BCAS3: variants seen among roughly 807,000 people sequenced by gnomAD.
BCAS3 encodes the protein BCAS4/BCAS3 fusion.
BCAS3 carries 53 observed loss-of-function variants against 116.1 expected under a neutral mutation model. The observed-to-expected ratio is 0.46, with a 90% CI of 0.37 to 0.57. The LOEUF (loss-of-function observed/expected upper bound fraction) is 0.57. BCAS3 is among the 20% of genes least tolerant of loss of function. BCAS3 has a pLI of 0.00. For missense variants in BCAS3, 917 were observed against 1,165.4 expected (o/e 0.79, Z 3.10); for synonymous variants, 391 against 408.2 (o/e 0.96, Z 0.51).
At chr17:61,158,403 A>T (rs900528071) in intron 22 of BCAS3, among the ~76,000 whole-genome samples, 7 of 152,162 alleles carry the variant, frequency 4.6e-5, no homozygotes, top group Non-Finnish European at 1.0e-4. Context: ...AGCTGCTTTA[A>T]TGTAGCTGAA....
intron 22 of BCAS3, among the ~76,000 whole-genome samples, chr17:61,206,488 G>T (rs2081132548): frequency 6.6e-6 from 1 of 152,074 alleles, no homozygotes; most frequent in Non-Finnish European, 1.5e-5. Flanking sequence ...TAACTAAACT[G>T]CATTTTTAGA....
intron 22 of BCAS3, among the ~76,000 whole-genome samples, chr17:61,209,416 C>T (rs1014034752): frequency 6.6e-6 from 1 of 152,136 alleles, no homozygotes; most frequent in Admixed American, 6.5e-5. Flanking sequence ...CCTCCATTCA[C>T]AGAGGCCAAA....
intron 6 of BCAS3, among the ~76,000 whole-genome samples, chr17:60,780,102 G>T (rs1399513151): frequency 6.6e-6 from 1 of 150,590 alleles, no homozygotes; most frequent in East Asian, 2.0e-4. Context: ...CGATTCTTCT[G>T]CCTCGGCTCC....
chr17:60,795,433 G>T (rs544831042), intron 6 of BCAS3, among the ~76,000 whole-genome samples: 3 of 152,046 alleles, frequency 2.0e-5, no homozygotes, highest in East Asian at 1.9e-4. Context: ...GATTGCTCTG[G>T]CTAGGACTTC....
At chr17:60,685,584 G>A (rs111932172) in intron 3 of BCAS3, among the ~76,000 whole-genome samples, 1 of 152,090 alleles carries the variant, frequency 6.6e-6, no homozygotes, top group East Asian at 1.9e-4. Flanking sequence ...GTAAACTCGG[G>A]TTAATCATCT....
intron 22 of BCAS3, among the ~76,000 whole-genome samples, chr17:61,191,798 A>AAGAAAAGAAT (rs2080146499): frequency 6.6e-6 from 1 of 151,822 alleles, no homozygotes; most frequent in Non-Finnish European, 1.5e-5. Context: ...AAGAAAAGAA[A>AAGAAAAGAAT]AGAAAAGAAA....
At chr17:61,207,583 C>T in intron 22 of BCAS3, among the ~76,000 whole-genome samples, 1 of 151,716 alleles carries the variant, frequency 6.6e-6, no homozygotes, top group East Asian at 1.9e-4. Flanking sequence ...TGATGGCTTC[C>T]CTATGGATGT....
intron 22 of BCAS3, among the ~76,000 whole-genome samples, chr17:61,273,978 C>CT (rs2050542810): frequency 2.0e-5 from 3 of 148,204 alleles, no homozygotes; most frequent in Non-Finnish European, 3.0e-5. Context: ...TATTATTATA[C>CT]TTTAAGTTTT....
In BCAS3 at chr17:60,881,268, C is replaced by A. The variant is rs1023613789; in HGVS notation, c.661+6530C>A. Among the ~76,000 whole-genome samples, 3 of 152,302 alleles carry A rather than the reference C, an allele frequency of 2.0e-5. No homozygotes were observed. The East Asian group carries it at 5.8e-4, about 29-fold the overall frequency. On this transcript the variant is annotated intron_variant, in intron 9 of 23. Coordinates refer to ENST00000407086, the MANE Select transcript of BCAS3 (RefSeq NM_017679.5). ...GGATTACAGGCGTGAGCCACCGCAC[C>A]TGGCCTGGTCTTTTCACTTTCTTTA...
intron 6 of BCAS3, among the ~76,000 whole-genome samples, chr17:60,780,828 A>G (rs1356974935): frequency 6.6e-6 from 1 of 152,212 alleles, no homozygotes; most frequent in East Asian, 1.9e-4. Flanking sequence ...TATGGCTAAC[A>G]TAGCCTTACA....
At chr17:60,984,369 C>G (rs2062991894) in intron 14 of BCAS3, among the ~76,000 whole-genome samples, 1 of 152,082 alleles carries the variant, frequency 6.6e-6, no homozygotes, top group African/African-American at 2.4e-5. Flanking sequence ...ATTTGAAGAC[C>G]TAATACACTG....
In BCAS3 at chr17:61,343,050, C is replaced by T. The variant is rs2057283501; in HGVS notation, c.2426-25277C>T. Among the ~76,000 whole-genome samples, 1 of 152,174 alleles carries T rather than the reference C, an allele frequency of 6.6e-6. No homozygotes were observed. Among genetic ancestry groups the T allele is most frequent in the Admixed American group, 6.5e-5 (1 of 15,284 alleles). On this transcript the variant is annotated intron_variant, in intron 22 of 23. Coordinates refer to ENST00000407086, the MANE Select transcript of BCAS3 (RefSeq NM_017679.5). This position sits in a 1 kb window ranked among gnomAD's most constrained non-coding sequence, Gnocchi z 5.5. ...TACAGGCGTGAGCCACTGAGCCCAG[C>T]CGAGATTTTCTTTTAAAGGAAGGTG...
At position 61,278,401 on chromosome 17, in the gene BCAS3, C is replaced by T. The variant is rs2050956913; in HGVS notation, c.2426-89926C>T. ...ATGTTCCCAGGCTTATCTCAAACTC[C>T]TGGGCTCACATGATCCACCCACCTT... On this transcript the variant is annotated intron_variant, in intron 22 of 23. Coordinates refer to ENST00000407086, the MANE Select transcript of BCAS3 (RefSeq NM_017679.5). The surrounding 1 kb of genome is among the most constrained non-coding windows in gnomAD (Gnocchi z 5.8). Among the ~76,000 whole-genome samples the T allele has an allele frequency of 6.6e-6, 1 of 152,140 alleles. No homozygotes were observed. Among genetic ancestry groups the T allele is most frequent in the African/African-American group, 2.4e-5 (1 of 41,438 alleles).
intron 7 of BCAS3, among the ~76,000 whole-genome samples, chr17:60,809,232 C>T (rs1030480817): frequency 2.0e-5 from 3 of 148,276 alleles, no homozygotes; most frequent in Non-Finnish European, 4.4e-5. Flanking sequence ...TGCAGTGCAC[C>T]ACTGTACTCC....
chr17:60,987,056 C>CTTCTGCAA (rs1228095685), intron 14 of BCAS3: 1 of 152,026 alleles, frequency 6.6e-6, no homozygotes, highest in African/African-American at 2.4e-5. Flanking sequence ...ATATGTATAT[C>CTTCTGCAA]CAGTTTTCCC....
intron 12 of BCAS3, among the ~76,000 whole-genome samples, chr17:60,921,110 G>A (rs2059059882): frequency 6.6e-6 from 1 of 152,058 alleles, no homozygotes; most frequent in African/African-American, 2.4e-5. Context: ...AAAGAGACAT[G>A]TATATTAATC....
chr17:60,754,309 G>A (rs1300991682), intron 6 of BCAS3, among the ~76,000 whole-genome samples: 3 of 152,130 alleles, frequency 2.0e-5, no homozygotes, highest in Non-Finnish European at 4.4e-5. Context: ...GGGCCCAAGT[G>A]ATCCCCCTTC....
chr17:60,779,400 G>C (rs1176246169), intron 6 of BCAS3, among the ~76,000 whole-genome samples: 1 of 133,066 alleles, frequency 7.5e-6, no homozygotes, highest in African/African-American at 2.9e-5. Flanking sequence ...GCGGAGCTTT[G>C]CCCTTATTGC....
intron 14 of BCAS3, among the ~76,000 whole-genome samples, chr17:60,955,386 A>ATTTTTTTTTTT (rs1016334366): frequency 3.9e-5 from 5 of 128,084 alleles, no homozygotes; most frequent in African/African-American, 1.8e-4. Flanking sequence ...GGGAAACTGA[A>ATTTTTTTTTTT]TTTTTTTTTT....
Sources: allele counts gnomAD v4.1 joint callset (sites outside exome capture counted in the v4.1 genomes callset), GRCh38; gene constraint gnomAD v4.1.1; non-coding constraint Gnocchi (gnomAD v3.1); transcripts MANE v1.5; gene names NCBI Gene and HGNC (gene_info 2026-07-23, HGNC 2026-07-21).